ANKIB1: variants seen among roughly 807,000 people sequenced by gnomAD.
ANKIB1 encodes ankyrin repeat and IBR domain-containing protein 1.
In ANKIB1, 43 loss-of-function variants were observed where a neutral mutation model predicts 122.1. The observed-to-expected ratio is 0.35, with a 90% CI of 0.28 to 0.45. ANKIB1 has a LOEUF of 0.45. ANKIB1 is among the 20% of genes least tolerant of loss of function. The pLI, the probability that ANKIB1 is intolerant of heterozygous loss-of-function variation, is 1.00. For synonymous variants in ANKIB1, 390 were observed against 442.0 expected, an observed-to-expected ratio of 0.88 and a Z score of 1.48; for missense variants, 992 against 1,329.5, an observed-to-expected ratio of 0.75 and a Z score of 3.95.
intron 9 of ANKIB1, among the ~76,000 whole-genome samples, chr7:92,354,890 C>G (rs1213236337): frequency 6.6e-6 from 1 of 151,992 alleles, no homozygotes; most frequent in Non-Finnish European, 1.5e-5. Flanking sequence ...TTTGCTTCTC[C>G]TTCTTCAAAA....
intron 5 of ANKIB1, among the ~76,000 whole-genome samples, chr7:92,334,015 CAACAGTT>C (rs969731224): frequency 6.6e-6 from 1 of 152,064 alleles, no homozygotes; most frequent in African/African-American, 2.4e-5. Flanking sequence ...AAACATTTTT[CAACAGTT>C]ATTATAATGA....
At chr7:92,304,387 G>A (rs1011192130) in intron 2 of ANKIB1, among the ~76,000 whole-genome samples, 8 of 152,048 alleles carry the variant, frequency 5.3e-5, no homozygotes, top group African/African-American at 9.7e-5. Flanking sequence ...TGAACCCGGC[G>A]GATTGGCAAG....
chr7:92,366,724 T>A (rs943912436), intron 10 of ANKIB1, among the ~76,000 whole-genome samples: 2 of 152,138 alleles, frequency 1.3e-5, no homozygotes, highest in Non-Finnish European at 1.5e-5. Flanking sequence ...GAGTAATACA[T>A]CTCCCTACTT....
intron 7 of ANKIB1, among the ~76,000 whole-genome samples, chr7:92,348,719 A>C (rs1375393380): frequency 6.6e-6 from 1 of 152,192 alleles, no homozygotes; most frequent in Non-Finnish European, 1.5e-5. Flanking sequence ...ATCGCTGCTT[A>C]GCACAGGAGT....
At chr7:92,266,992 A>T (rs1801685337) in intron 1 of ANKIB1, among the ~76,000 whole-genome samples, 1 of 152,166 alleles carries the variant, frequency 6.6e-6, no homozygotes, top group African/African-American at 2.4e-5. Context: ...CAGTGAGTTG[A>T]CAGTTGGCAC....
intron 3 of ANKIB1, among the ~76,000 whole-genome samples, chr7:92,309,697 C>T (rs867451915): frequency 4.3e-4 from 65 of 151,490 alleles, no homozygotes; most frequent in African/African-American, 1.4e-3. Context: ...GAGGCCGAGG[C>T]GGGCAGATCA....
At chr7:92,319,799 G>A in intron 4 of ANKIB1, 1 of 306,528 alleles carries the variant, frequency 3.3e-6, no homozygotes, top group Non-Finnish European at 6.0e-6. Context: ...GCCAGGAATG[G>A]TGGCCCACAC....
chr7:92,392,193 T>G, intron 16 of ANKIB1, 48 bp from the exon 17 acceptor site: 1 of 1,521,744 alleles, frequency 6.6e-7, no homozygotes, highest in East Asian at 2.3e-5. Context: ...TTGTATATAC[T>G]TTGTAGTATT....
At chr7:92,331,097 G>T (rs1803163064) in intron 5 of ANKIB1, among the ~76,000 whole-genome samples, 1 of 152,076 alleles carries the variant, frequency 6.6e-6, no homozygotes, top group African/African-American at 2.4e-5. Context: ...CTGCGTCATA[G>T]TTGTACTGGT....
At chr7:92,310,919 T>G (rs1802679531) in intron 3 of ANKIB1, among the ~76,000 whole-genome samples, 2 of 152,334 alleles carry the variant, frequency 1.3e-5, no homozygotes, top group South Asian at 4.1e-4. Flanking sequence ...CATTAAAATA[T>G]GTGACCTGTT....
At chr7:92,360,757 A>G (rs1803924129) in intron 9 of ANKIB1, among the ~76,000 whole-genome samples, 1 of 152,248 alleles carries the variant, frequency 6.6e-6, no homozygotes, top group Non-Finnish European at 1.5e-5. Flanking sequence ...GTTTTTTAAT[A>G]ATCACCATTT....
At chr7:92,270,033 C>A (rs1801753392) in intron 1 of ANKIB1, among the ~76,000 whole-genome samples, 1 of 150,904 alleles carries the variant, frequency 6.6e-6, no homozygotes, top group African/African-American at 2.4e-5. Context: ...TCAATTCCCA[C>A]CTATGAGTGA....
At chr7:92,366,871 T>C (rs1481563003) in intron 10 of ANKIB1, among the ~76,000 whole-genome samples, 1 of 152,224 alleles carries the variant, frequency 6.6e-6, no homozygotes, top group Non-Finnish European at 1.5e-5. Flanking sequence ...GCAAGTATTT[T>C]TAAATAGATG....
chr7:92,312,362 A>G (rs1427799348), intron 3 of ANKIB1, among the ~76,000 whole-genome samples: 2 of 152,230 alleles, frequency 1.3e-5, no homozygotes, highest in Non-Finnish European at 2.9e-5. Context: ...AGGACAGACT[A>G]TAACTAAAGC....
chr7:92,351,171 TTTTG>T (rs1803654684), intron 8 of ANKIB1, 77 bp downstream of exon 8: 3 of 1,232,202 alleles, frequency 2.4e-6, no homozygotes, highest in African/African-American at 3.1e-5. Flanking sequence ...TATTTTTTCT[TTTTG>T]TTTTATTTTT....
chr7:92,335,041 T>TTGTA (rs967899636), intron 5 of ANKIB1, among the ~76,000 whole-genome samples: 8 of 152,018 alleles, frequency 5.3e-5, no homozygotes, highest in Non-Finnish European at 7.4e-5. Context: ...TCCTGGACAT[T>TTGTA]TGTATTTCTT....
At chr7:92,352,438 AT>A (rs1803684536) in intron 8 of ANKIB1, 37 bp from the exon 9 acceptor site, 1 of 1,602,042 alleles carries the variant, frequency 6.2e-7, no homozygotes, top group African/African-American at 1.3e-5. Context: ...TAGCATTAAA[AT>A]ATTTTCTTTT....
At chr7:92,273,669 A>C (rs1391171576) in intron 1 of ANKIB1, among the ~76,000 whole-genome samples, 2 of 152,374 alleles carry the variant, frequency 1.3e-5, no homozygotes, top group African/African-American at 4.8e-5. Context: ...AGAGTATGGC[A>C]GGCCAGAACT....
intron 3 of ANKIB1, among the ~76,000 whole-genome samples, chr7:92,311,717 G>GC (rs565443678): frequency 1.2e-3 from 183 of 146,740 alleles, no homozygotes; most frequent in East Asian, 9.4e-3. Context: ...TGTAATAAGC[G>GC]CCCCCCCCAC....
Sources: gnomAD v4.1 joint callset for allele counts (sites outside exome capture counted in the v4.1 genomes callset) on GRCh38, gnomAD v4.1.1 for gene constraint, MANE v1.5 for transcripts, NCBI Gene and HGNC (gene_info 2026-07-23, HGNC 2026-07-21) for gene names.